Variants in HS6ST3 observed in about 807,000 individuals in gnomAD.
The protein encoded by HS6ST3 is heparan-sulfate 6-O-sulfotransferase 3.
HS6ST3 carries 12 observed loss-of-function variants against 36.7 expected under a neutral mutation model. That is an observed-to-expected ratio of 0.33 (90% CI 0.21 to 0.53). HS6ST3 has a LOEUF of 0.53. Among genes scored for constraint, HS6ST3 ranks in the 20% least tolerant of loss-of-function variants. HS6ST3 has a pLI of 0.95. For missense variants in HS6ST3, 584 were observed against 640.9 expected (o/e 0.91, Z 0.96); for synonymous variants, 240 against 257.5 (o/e 0.93, Z 0.65).
intron 1 of HS6ST3, among the ~76,000 whole-genome samples, chr13:96,183,538 A>G (rs1486044679): frequency 6.6e-6 from 1 of 152,118 alleles, no homozygotes; most frequent in Non-Finnish European, 1.5e-5. Flanking sequence ...TGAGGCCCAG[A>G]TAGATGTTGT....
intron 1 of HS6ST3, among the ~76,000 whole-genome samples, chr13:96,770,417 A>G (rs1013365206): frequency 3.3e-5 from 5 of 152,232 alleles, no homozygotes; most frequent in African/African-American, 1.2e-4. Flanking sequence ...TATCAGAACT[A>G]ACACTTTCAT....
chr13:96,150,124 A>C (rs2054078046), intron 1 of HS6ST3, among the ~76,000 whole-genome samples: 1 of 152,142 alleles, frequency 6.6e-6, no homozygotes, highest in Admixed American at 6.6e-5. Flanking sequence ...TGGACACCGG[A>C]GAGTGAGTGA....
chr13:96,589,820 C>T (rs1399253791), intron 1 of HS6ST3, among the ~76,000 whole-genome samples: 1 of 152,056 alleles, frequency 6.6e-6, no homozygotes, highest in Admixed American at 6.6e-5. Context: ...TAACTATCCC[C>T]ACTTTCCCTC....
chr13:96,425,829 G>A (rs1421794629), intron 1 of HS6ST3, among the ~76,000 whole-genome samples: 3 of 151,876 alleles, frequency 2.0e-5, no homozygotes, highest in African/African-American at 7.3e-5. Context: ...ACAAATGGTG[G>A]CTTCCAGGGC....
intron 1 of HS6ST3, among the ~76,000 whole-genome samples, chr13:96,477,031 TC>T: frequency 6.6e-6 from 1 of 152,340 alleles, no homozygotes; most frequent in Non-Finnish European, 1.5e-5. Context: ...GTTTTAAAAA[TC>T]AACTCCTTTT....
chr13:96,114,656 A>C (rs963670719), intron 1 of HS6ST3, among the ~76,000 whole-genome samples: 4 of 152,194 alleles, frequency 2.6e-5, no homozygotes, highest in Non-Finnish European at 2.9e-5. Flanking sequence ...GTGTTTGCAA[A>C]GTGCTTAGAA....
chr13:96,689,628 T>G (rs1874887606), intron 1 of HS6ST3, among the ~76,000 whole-genome samples: 1 of 95,340 alleles, frequency 1.0e-5, no homozygotes, highest in Admixed American at 1.1e-4. Flanking sequence ...TTTTTGGTGA[T>G]TGTATGGAGA....
intron 1 of HS6ST3, among the ~76,000 whole-genome samples, chr13:96,098,548 T>C (rs1420414638): frequency 6.6e-6 from 1 of 152,142 alleles, no homozygotes; most frequent in Non-Finnish European, 1.5e-5. Flanking sequence ...TGGCCAGGCA[T>C]GGTGGCTCAC....
intron 1 of HS6ST3, among the ~76,000 whole-genome samples, chr13:96,680,635 A>G (rs1271340147): frequency 6.6e-6 from 1 of 152,188 alleles, no homozygotes; most frequent in African/African-American, 2.4e-5. Flanking sequence ...AGGTTAGATC[A>G]CAGTTCTTGG....
chr13:96,499,392 C>T (rs1032786672), intron 1 of HS6ST3, among the ~76,000 whole-genome samples: 1 of 152,064 alleles, frequency 6.6e-6, no homozygotes, highest in African/African-American at 2.4e-5. Flanking sequence ...TGTTTGGGGT[C>T]ATGGGGATAC....
rs58185989 is a variant in HS6ST3, at chr13:96,358,869, AATCTATCTATCTATCT to A, written c.707+267334_707+267349del. ...TGATTAAGAAAGGAAGTATATATAT[AATCTATCTATCTATCT>A]ATCTATCTATCTATCTATCTATCTA... On this transcript the variant is annotated intron_variant, in intron 1 of 1. Coordinates refer to ENST00000376705, the MANE Select transcript of HS6ST3 (RefSeq NM_153456.4). Among the ~76,000 whole-genome samples the A allele has an allele frequency of 2.2e-3, 324 of 147,626 alleles. 1 individual carries two copies. The highest frequency in any genetic ancestry group is 0.015 in the South Asian group (68 of 4,504).
At chr13:96,534,192 A>G (rs977752552) in intron 1 of HS6ST3, among the ~76,000 whole-genome samples, 1 of 152,146 alleles carries the variant, frequency 6.6e-6, no homozygotes, top group Non-Finnish European at 1.5e-5. Context: ...CCTACAGCAT[A>G]TGACACATAG....
intron 1 of HS6ST3, among the ~76,000 whole-genome samples, chr13:96,317,899 G>A (rs1303446034): frequency 1.3e-5 from 2 of 151,638 alleles, no homozygotes; most frequent in Non-Finnish European, 2.9e-5. Flanking sequence ...TTGTTGGGGG[G>A]AGTTATTTTT....
At chr13:96,411,677 G>T (rs1214347886) in intron 1 of HS6ST3, among the ~76,000 whole-genome samples, 2 of 152,266 alleles carry the variant, frequency 1.3e-5, no homozygotes, top group East Asian at 3.9e-4. Flanking sequence ...GAACAGATTG[G>T]CCGGAAACCT....
At chr13:96,333,535 G>A (rs530346245) in intron 1 of HS6ST3, among the ~76,000 whole-genome samples, 11 of 152,222 alleles carry the variant, frequency 7.2e-5, no homozygotes, top group Non-Finnish European at 1.0e-4. Flanking sequence ...TGTATGGAGG[G>A]CTTTGGGAAA....
At chr13:96,222,982 A>G (rs1395247734) in intron 1 of HS6ST3, among the ~76,000 whole-genome samples, 2 of 151,690 alleles carry the variant, frequency 1.3e-5, no homozygotes, top group African/African-American at 2.4e-5. Flanking sequence ...TTGTTATATC[A>G]TGGAACTGCA....
intron 1 of HS6ST3, among the ~76,000 whole-genome samples, chr13:96,228,767 T>C (rs953518060): frequency 6.6e-6 from 1 of 152,124 alleles, no homozygotes; most frequent in Non-Finnish European, 1.5e-5. Flanking sequence ...TTCATTCAGA[T>C]GGAGGAAAAG....
At chr13:96,747,672 A>G (rs1361939387) in intron 1 of HS6ST3, among the ~76,000 whole-genome samples, 2 of 152,070 alleles carry the variant, frequency 1.3e-5, no homozygotes, top group African/African-American at 2.4e-5. Flanking sequence ...ATATATATAT[A>G]CACACATATA....
chr13:96,416,661 ATTT>A (rs55827702), intron 1 of HS6ST3, among the ~76,000 whole-genome samples: 2 of 143,456 alleles, frequency 1.4e-5, no homozygotes, highest in Non-Finnish European at 3.0e-5. Context: ...CTGTAAGTGT[ATTT>A]TTTTTTTTTT....
Sources: gnomAD v4.1 joint callset for allele counts (sites outside exome capture counted in the v4.1 genomes callset) on GRCh38, gnomAD v4.1.1 for gene constraint, MANE v1.5 for transcripts, NCBI Gene and HGNC (gene_info 2026-07-23, HGNC 2026-07-21) for gene names.